The following NUSAP1 variants were observed in gnomAD, a reference collection of about 807,000 sequenced individuals.
The protein encoded by NUSAP1 is nucleolar and spindle associated protein 1, also known as nucleolar and spindle-associated protein 1.
A neutral mutation model predicts 52.8 loss-of-function variants in NUSAP1; 32 were observed. The ratio of observed to expected loss-of-function variants is 0.61; its 90% confidence interval spans 0.46 to 0.81. NUSAP1 has a LOEUF of 0.81. Among genes scored for constraint, NUSAP1 ranks in the 40% least tolerant of loss-of-function variants. The pLI is 0.00. For synonymous variants in NUSAP1, 195 were observed against 183.1 expected (o/e 1.06, Z -0.52); for missense variants, 499 against 522.3 (o/e 0.96, Z 0.43).
Position 41,353,707 on chromosome 15 carries a change from GA to G in NUSAP1, c.449-2327del, listed in dbSNP as rs568930546. On this transcript the variant is annotated intron_variant, in intron 4 of 10. Coordinates refer to ENST00000559596, the MANE Select transcript of NUSAP1 (RefSeq NM_016359.5). ...TTTTTAAAATAGATTGCCTGAAGTT[GA>G]AAAAGATGTAAGATTGAGGCTTTCT... is the stretch of plus-strand genomic sequence containing the variant. Among the ~76,000 whole-genome samples the G allele has an allele frequency of 3.1e-3, 479 of 152,306 alleles. 1 individual carries two copies. The highest frequency in any genetic ancestry group is 5.6e-3 in the Non-Finnish European group (379 of 68,036).
In NUSAP1 at chr15:41,380,805, GCTTA is replaced by G. The variant is rs2050177794; in HGVS notation, c.*624_*627del. ...AAACTCTACAACTCATTCTAACATT[GCTTA>G]CTTAAAAGCTACATAGCCCTATCGA... On this transcript the variant is annotated 3_prime_UTR_variant, in exon 11 of 11. Transcript: ENST00000559596. 6.6e-6 allele frequency: 1 copy of G among 152,122 alleles called. No individual in the cohort carries two copies. The highest frequency in any genetic ancestry group is 2.4e-5 in the African/African-American group (1 of 41,420). 9.4% of individuals were successfully genotyped at this position (152,122 alleles called of 1,614,324 possible).
At chr15:41,351,690 G>A (rs1313957666) in intron 4 of NUSAP1, among the ~76,000 whole-genome samples, 1 of 152,116 alleles carries the variant, frequency 6.6e-6, no homozygotes, top group Non-Finnish European at 1.5e-5. Context: ...AGGAGGCTGA[G>A]GTGAAAGGGT....
At chr15:41,349,636 G>C (rs1595550086) in intron 3 of NUSAP1, among the ~76,000 whole-genome samples, 3 of 152,242 alleles carry the variant, frequency 2.0e-5, no homozygotes, top group African/African-American at 7.2e-5. Context: ...TCTTTCAGCA[G>C]TGTGATCACA....
At chr15:41,333,377 A>G (rs541447896) in intron 1 of NUSAP1, among the ~76,000 whole-genome samples, 2 of 152,148 alleles carry the variant, frequency 1.3e-5, no homozygotes, top group Non-Finnish European at 2.9e-5. Flanking sequence ...TCAGGCCCAG[A>G]AAGCACAAGG....
rs1281533356 is a variant in NUSAP1, at chr15:41,375,736, C to T, written c.1031C>T (p.Thr344Ile). 6.2e-7 allele frequency: 1 copy of T among 1,613,438 alleles called. No individual in the cohort carries two copies. The highest frequency in any genetic ancestry group is 2.2e-5 in the East Asian group (1 of 44,878). Reference protein sequence around the residue: ...AAVITPFKLTTEATQTPVSNK... With the variant: ...AAVITPFKLTIEATQTPVSNK... ...GTTATTACCCCATTCAAGTTGACAA[C>T]TGAGGCAACGCAGACTCCAGTCTCC... The change falls in exon 9 of 11, where the codon ACT (threonine) becomes ATT (isoleucine). Residue 344 changes from threonine to isoleucine, a missense_variant. By Grantham distance (89) the Thr-to-Ile change is moderately conservative. Transcript: ENST00000559596.
At chr15:41,373,156 A>G (rs943845997) in intron 8 of NUSAP1, among the ~76,000 whole-genome samples, 3 of 151,790 alleles carry the variant, frequency 2.0e-5, no homozygotes, top group Admixed American at 1.3e-4. Flanking sequence ...AAGGCTAACT[A>G]AACTACACCA....
At chr15:41,375,906 A>T in intron 9 of NUSAP1, 78 bp downstream of exon 9, 1 of 972,202 alleles carries the variant, frequency 1.0e-6, no homozygotes, top group South Asian at 1.3e-5. Flanking sequence ...CACCTACTAA[A>T]CATACAAAAA....
At position 41,343,790 on chromosome 15, in the gene NUSAP1, G is replaced by A. The variant is rs573837942; in HGVS notation, c.162+1336G>A. 7.9e-5 allele frequency among the ~76,000 whole-genome samples: 12 copies of A among 152,018 alleles called. No homozygotes were observed. In the South Asian group the frequency reaches 1.7e-3, roughly 21 times the overall value. On this transcript the variant is annotated intron_variant, in intron 2 of 10. Transcript: ENST00000559596. ...ACAGGTGTGAGCCACCGCACCTGGC[G>A]TCAAATTTATTTTTGATTCCAGGCT...
intron 6 of NUSAP1, among the ~76,000 whole-genome samples, chr15:41,362,046 C>T (rs995795429): frequency 6.6e-6 from 1 of 151,800 alleles, no homozygotes; most frequent in Non-Finnish European, 1.5e-5. Flanking sequence ...GTCAAATGGC[C>T]CTCTAAAAAG....
chr15:41,368,285 T>C (rs545884777), intron 7 of NUSAP1, among the ~76,000 whole-genome samples: 3 of 152,288 alleles, frequency 2.0e-5, no homozygotes, highest in Middle Eastern at 3.4e-3. Context: ...CCCAAAGTAC[T>C]AAGAATACAG....
intron 8 of NUSAP1, 106 bp from the exon 9 acceptor site, chr15:41,375,606 C>T (rs900902119): frequency 3.8e-5 from 29 of 760,758 alleles, no homozygotes; most frequent in South Asian, 9.7e-5. Context: ...CCACCATGCC[C>T]AGCCTATAAC....
At chr15:41,372,747 T>C (rs928100058) in intron 8 of NUSAP1, among the ~76,000 whole-genome samples, 20 of 152,130 alleles carry the variant, frequency 1.3e-4, no homozygotes, top group Admixed American at 6.6e-5. Flanking sequence ...TTCACAGATG[T>C]AGGCAAGGGT....
chr15:41,354,672 T>G (rs1480560927), intron 4 of NUSAP1, among the ~76,000 whole-genome samples: 1 of 24,926 alleles, frequency 4.0e-5, no homozygotes, highest in Non-Finnish European at 6.0e-5. Context: ...TTTTAACCGA[T>G]ATATATATAT....
At chr15:41,347,687 G>A (rs1252451852) in intron 2 of NUSAP1, among the ~76,000 whole-genome samples, 1 of 151,768 alleles carries the variant, frequency 6.6e-6, no homozygotes, top group Non-Finnish European at 1.5e-5. Flanking sequence ...GGTGGCGGGC[G>A]CCTGTAGTCC....
At chr15:41,373,917 C>G in intron 8 of NUSAP1, among the ~76,000 whole-genome samples, 1 of 152,034 alleles carries the variant, frequency 6.6e-6, no homozygotes, top group Non-Finnish European at 1.5e-5. Flanking sequence ...GAATTCTAAA[C>G]TCCCAGCTGA....
At chr15:41,371,397 C>T (rs1485454865) in intron 7 of NUSAP1, 130 bp from the exon 8 acceptor site, 8 of 643,264 alleles carry the variant, frequency 1.2e-5, no homozygotes, top group South Asian at 1.2e-4. Flanking sequence ...AAAAGAGGTT[C>T]GTTCCTATGA....
At chr15:41,371,086 C>G (rs528545777) in intron 7 of NUSAP1, among the ~76,000 whole-genome samples, 7 of 152,322 alleles carry the variant, frequency 4.6e-5, no homozygotes, top group East Asian at 1.9e-4. Flanking sequence ...GCTTATTTCT[C>G]TACCACACAA....
In NUSAP1 at chr15:41,380,631, A is replaced by G. The variant is rs1410773370; in HGVS notation, c.*445A>G. On this transcript the variant is annotated 3_prime_UTR_variant, in exon 11 of 11. Transcript: ENST00000559596. The stretch of plus-strand genomic sequence containing the variant: ...TAGAAAGGCCACCTCTTCACTCTCT[A>G]TAGAATATAGTAACCTTTATGAAAC... The G allele has an allele frequency of 6.4e-6, 1 of 156,392 alleles. No individual in the cohort carries two copies. Among genetic ancestry groups the G allele is most frequent in the Non-Finnish European group, 1.4e-5 (1 of 70,882 alleles). The allele number at this position is 156,392 out of a possible 1,614,324, so 9.7% of individuals were successfully genotyped here.
chr15:41,333,744 T>C (rs1339687879), intron 1 of NUSAP1, among the ~76,000 whole-genome samples: 2 of 152,092 alleles, frequency 1.3e-5, no homozygotes, highest in Non-Finnish European at 2.9e-5. Flanking sequence ...CTTAAAAAAT[T>C]AGCCGGGCGT....
Sources: gnomAD v4.1 joint callset for allele counts (sites outside exome capture counted in the v4.1 genomes callset) on GRCh38, gnomAD v4.1.1 for gene constraint, MANE v1.5 for transcripts, NCBI Gene and HGNC (gene_info 2026-07-23, HGNC 2026-07-21) for gene names.